Variants in RBM27 observed in about 807,000 individuals in gnomAD.
RBM27 encodes RNA binding motif protein 27, also known as RNA-binding protein 27.
RBM27 carries 22 observed loss-of-function variants against 135.3 expected under a neutral mutation model. The ratio of observed to expected loss-of-function variants is 0.16; its 90% CI spans 0.12 to 0.23. The LOEUF (loss-of-function observed/expected upper bound fraction) is 0.23, where lower values mean the gene tolerates loss of function less well. RBM27 is among the 10% of genes least tolerant of loss of function. RBM27 has a pLI of 1.00. For missense variants in RBM27, 1,009 were observed against 1,281.0 expected (o/e 0.79, Z 3.24); for synonymous variants, 481 against 442.4 (o/e 1.09, Z -1.10).
At chr5:146,231,140 G>C (rs1357723190) in intron 6 of RBM27, among the ~76,000 whole-genome samples, 1 of 152,058 alleles carries the variant, frequency 6.6e-6, no homozygotes, top group Admixed American at 6.6e-5. Flanking sequence ...TCCTTCCTCA[G>C]CCTCCCAAGT....
chr5:146,206,791 C>A (rs1036929781), intron 1 of RBM27, among the ~76,000 whole-genome samples: 4 of 151,868 alleles, frequency 2.6e-5, no homozygotes, highest in African/African-American at 7.3e-5. Flanking sequence ...CTGTGTTGGC[C>A]AGGTTGGTCT....
chr5:146,263,715 G>A, intron 14 of RBM27, 84 bp downstream of exon 14: 2 of 1,423,014 alleles, frequency 1.4e-6, no homozygotes, highest in South Asian at 2.6e-5. Flanking sequence ...AGACAGTGAA[G>A]ACAGTTGTGA....
intron 1 of RBM27, among the ~76,000 whole-genome samples, chr5:146,217,464 G>GTTTTTTTTTTTTTTTTTTT (rs545963169): frequency 1.4e-5 from 1 of 70,746 alleles, no homozygotes; most frequent in African/African-American, 6.1e-5. Flanking sequence ...GCTGAAGCCT[G>GTTTTTTTTTTTTTTTTTTT]TTTTTTTTTT....
At chr5:146,226,684 C>CT (rs1170972732) in intron 3 of RBM27, among the ~76,000 whole-genome samples, 1 of 151,756 alleles carries the variant, frequency 6.6e-6, no homozygotes, top group Non-Finnish European at 1.5e-5. Context: ...CCCAGCCTGT[C>CT]TTGAGTTTTA....
chr5:146,217,870 G>A lies in RBM27; in HGVS notation c.60-1115G>A, dbSNP rs546793290. ...GCCTCCCAGCCTCAAGCATCCTCCCGCCTCAGCCTCCCGAGTAGCTGGGAT... is the reference window on the plus strand; with the variant it reads ...GCCTCCCAGCCTCAAGCATCCTCCCACCTCAGCCTCCCGAGTAGCTGGGAT... On this transcript the variant is annotated intron_variant, in intron 1 of 20. Coordinates refer to ENST00000265271, the MANE Select transcript of RBM27 (RefSeq NM_018989.2). Among the ~76,000 whole-genome samples the A allele has an allele frequency of 9.9e-5, 15 of 152,008 alleles. No individual in the cohort carries two copies. The East Asian group carries it at 2.7e-3, about 27-fold the overall frequency.
rs372794808 is a variant in RBM27, at chr5:146,284,666, A to G, written c.3033A>G (p.Ile1011Met). The G allele has an allele frequency of 1.9e-6, 3 of 1,613,574 alleles. No homozygotes were observed. The African/African-American group carries it at 4.0e-5, about 22-fold the overall frequency. ...GPKFKDRRLQISWHKPKVPSI... is the reference protein window; with the variant it reads ...GPKFKDRRLQMSWHKPKVPSI... ...AATTTAAAGACCGTCGGCTACAGAT[A>G]TCATGGCACAAGCCCAAGGTACCAT... The change falls in exon 20 of 21, where the codon ATA (isoleucine) becomes ATG (methionine). Residue 1011 changes from isoleucine to methionine, a missense_variant. Physicochemically the swap from Ile to Met is conservative, Grantham distance 10. This residue lies in a region of RBM27 where 355 missense variants were observed against 427.3 expected (regional missense o/e 0.83). Transcript: ENST00000265271.
chr5:146,211,673 G>C (rs1016521862), intron 1 of RBM27, among the ~76,000 whole-genome samples: 4 of 151,434 alleles, frequency 2.6e-5, no homozygotes, highest in South Asian at 2.1e-4. Flanking sequence ...TAGAGACAAG[G>C]TTGCTCCATG....
intron 10 of RBM27, among the ~76,000 whole-genome samples, chr5:146,257,612 A>G (rs1758163521): frequency 6.6e-6 from 1 of 152,192 alleles, no homozygotes; most frequent in South Asian, 2.1e-4. Flanking sequence ...CCTTTACCTT[A>G]TATCTAAGAA....
chr5:146,275,946 T>G (rs1429861198), intron 19 of RBM27, among the ~76,000 whole-genome samples: 2 of 152,230 alleles, frequency 1.3e-5, no homozygotes, highest in Non-Finnish European at 2.9e-5. Flanking sequence ...GAAATTCAGC[T>G]GCTCAGATTA....
chr5:146,232,951 C>T (rs1757001675), intron 6 of RBM27, among the ~76,000 whole-genome samples: 1 of 152,148 alleles, frequency 6.6e-6, no homozygotes, highest in Non-Finnish European at 1.5e-5. Context: ...TATTTTTCTA[C>T]TATGTACAGT....
chr5:146,259,140 G>A (rs1348856886), intron 11 of RBM27, among the ~76,000 whole-genome samples: 5 of 151,150 alleles, frequency 3.3e-5, no homozygotes. Flanking sequence ...ACTAGCAATG[G>A]ATAGAAAAGA....
At chr5:146,212,869 G>A (rs961095477) in intron 1 of RBM27, among the ~76,000 whole-genome samples, 3 of 151,564 alleles carry the variant, frequency 2.0e-5, no homozygotes, top group African/African-American at 7.3e-5. Context: ...ACCCACTACC[G>A]TGCCCAGCTA....
chr5:146,227,146 G>T (rs951333390), intron 3 of RBM27, among the ~76,000 whole-genome samples: 1 of 152,152 alleles, frequency 6.6e-6, no homozygotes, highest in South Asian at 2.1e-4. Flanking sequence ...AGAGAATTTG[G>T]ATCATTGGCA....
chr5:146,260,477 G>C (rs890446853), intron 11 of RBM27, among the ~76,000 whole-genome samples: 1 of 152,148 alleles, frequency 6.6e-6, no homozygotes, highest in Non-Finnish European at 1.5e-5. Flanking sequence ...TCCTGCTTTG[G>C]CCTCTCAGAG....
chr5:146,250,911 G>GCT (rs1257832919), intron 8 of RBM27, among the ~76,000 whole-genome samples: 2 of 151,254 alleles, frequency 1.3e-5, no homozygotes, highest in East Asian at 3.9e-4. Flanking sequence ...CTAGTAGTTG[G>GCT]GATTACAGGT....
intron 8 of RBM27, chr5:146,245,375 A>G (rs1057466059): frequency 2.0e-5 from 3 of 152,312 alleles, no homozygotes; most frequent in Non-Finnish European, 2.9e-5. Flanking sequence ...TTGAAGAAGC[A>G]TAGTAAAAAT....
chr5:146,235,820 T>C (rs1174556252), intron 7 of RBM27, among the ~76,000 whole-genome samples: 1 of 152,112 alleles, frequency 6.6e-6, no homozygotes, highest in Non-Finnish European at 1.5e-5. Context: ...CCTGAGTAGC[T>C]GGGACTACAG....
In RBM27 at chr5:146,229,872, G is replaced by C; in HGVS notation, c.551G>C (p.Arg184Thr). 1 of 1,613,946 alleles carries C rather than the reference G, an allele frequency of 6.2e-7. No individual in the cohort carries two copies. The highest frequency in any genetic ancestry group is 8.5e-7 in the Non-Finnish European group (1 of 1,179,908). ...RGLSRSRSRSRGRSKDRDPNR... is the reference protein window; with the variant it reads ...RGLSRSRSRSTGRSKDRDPNR... Reference sequence around the variant, plus strand: ...CTGAGTCGCAGTAGAAGCCGAAGTAGGGGGCGCAGCAAAGACCGGGATCCA... The same window carrying C: ...CTGAGTCGCAGTAGAAGCCGAAGTACGGGGCGCAGCAAAGACCGGGATCCA... Residue 184 changes from arginine (R) to threonine (T), a missense_variant, in exon 5 of 21, where the codon AGG becomes ACG. Physicochemically the swap from Arg to Thr is moderately conservative, Grantham distance 71 (BLOSUM62 -1). Coordinates refer to ENST00000265271, the MANE Select transcript of RBM27 (RefSeq NM_018989.2).
intron 1 of RBM27, among the ~76,000 whole-genome samples, chr5:146,215,636 T>C (rs1414158639): frequency 6.6e-6 from 1 of 152,196 alleles, no homozygotes. Context: ...TCCATATGAA[T>C]GTAGACTAGA....
Sources: gnomAD v4.1 joint callset for allele counts (sites outside exome capture counted in the v4.1 genomes callset) on GRCh38, gnomAD v4.1.1 for gene constraint, gnomAD v4.1.1 regional missense constraint, MANE v1.5 for transcripts, NCBI Gene and HGNC (gene_info 2026-07-23, HGNC 2026-07-21) for gene names.